IQSEC1: variants seen among roughly 807,000 people sequenced by gnomAD.
The protein encoded by IQSEC1 is IQ motif and Sec7 domain ArfGEF 1.
Under a neutral mutation model 91.0 loss-of-function variants are expected in IQSEC1, and 31 were observed. That is an observed-to-expected ratio of 0.34 (90% CI 0.26 to 0.46). IQSEC1 has a LOEUF of 0.46. IQSEC1 is among the 20% of genes least tolerant of loss of function. The pLI, the probability that IQSEC1 is intolerant of heterozygous loss-of-function variation, is 1.00. For missense variants in IQSEC1, 1,388 were observed against 1,575.6 expected (o/e 0.88, Z 2.02); for synonymous variants, 699 against 662.6 (o/e 1.05, Z -0.84).
chr3:13,014,806 AG>A (rs1703043347), intron 1 of IQSEC1, among the ~76,000 whole-genome samples: 2 of 152,178 alleles, frequency 1.3e-5, no homozygotes, highest in Non-Finnish European at 2.9e-5. Context: ...ACACGCTCCC[AG>A]CCCCAGGGAT....
intron 1 of IQSEC1, among the ~76,000 whole-genome samples, chr3:13,236,909 A>C (rs1694939659): frequency 6.7e-6 from 1 of 149,790 alleles, no homozygotes; most frequent in South Asian, 2.1e-4. Flanking sequence ...GCCCCCCTCC[A>C]GCCAGGTTTT....
intron 1 of IQSEC1, among the ~76,000 whole-genome samples, chr3:12,961,661 G>C (rs775551659): frequency 4.6e-5 from 7 of 152,236 alleles, no homozygotes; most frequent in Middle Eastern, 3.4e-3. Context: ...CTCCCATCTA[G>C]GAACACATCT....
At chr3:13,270,013 T>C (rs1473380959) in intron 1 of IQSEC1, among the ~76,000 whole-genome samples, 1 of 152,148 alleles carries the variant, frequency 6.6e-6, no homozygotes, top group Non-Finnish European at 1.5e-5. Context: ...GCCACCAGAT[T>C]GGAGAAGCCA....
intron 1 of IQSEC1, among the ~76,000 whole-genome samples, chr3:13,050,066 C>G (rs1007642670): frequency 7.4e-6 from 1 of 136,014 alleles, no homozygotes; most frequent in Non-Finnish European, 1.6e-5. Context: ...CCCCACCCCC[C>G]GCCCCAGAAA....
intron 1 of IQSEC1, among the ~76,000 whole-genome samples, chr3:13,215,772 C>T (rs946137897): frequency 4.6e-5 from 7 of 152,228 alleles, no homozygotes; most frequent in African/African-American, 1.7e-4. Flanking sequence ...AGAGCCCCTC[C>T]ACAGTGGCTG....
intron 1 of IQSEC1, among the ~76,000 whole-genome samples, chr3:13,205,675 C>T (rs568373789): frequency 1.3e-5 from 2 of 151,402 alleles, no homozygotes; most frequent in Non-Finnish European, 3.0e-5. Flanking sequence ...CTCATCCATC[C>T]ATCCAAACAT....
At chr3:13,257,936 G>A (rs1307794218) in intron 1 of IQSEC1, among the ~76,000 whole-genome samples, 1 of 152,242 alleles carries the variant, frequency 6.6e-6, no homozygotes, top group Non-Finnish European at 1.5e-5. Flanking sequence ...TCCCTCAGCA[G>A]GTGAATGGAT....
intron 2 of IQSEC1, among the ~76,000 whole-genome samples, chr3:13,100,725 C>T (rs1442947009): frequency 1.3e-5 from 2 of 149,012 alleles, no homozygotes; most frequent in African/African-American, 5.0e-5. Flanking sequence ...CCTCACATTT[C>T]GTTCATCGAT....
intron 1 of IQSEC1, among the ~76,000 whole-genome samples, chr3:13,171,825 T>G (rs9874757): frequency 0.1 from 15,303 of 152,150 alleles, 1,237 homozygotes; most frequent in African/African-American, 0.22. Context: ...GCAGAGAGCT[T>G]CCTGCCCAGG....
At chr3:13,116,038 G>A (rs769988534) in intron 2 of IQSEC1, among the ~76,000 whole-genome samples, 6 of 152,168 alleles carry the variant, frequency 3.9e-5, no homozygotes, top group Non-Finnish European at 8.8e-5. Flanking sequence ...AGGAAAGAAG[G>A]GTCCCTTAGG....
upstream of IQSEC1, among the ~76,000 whole-genome samples, chr3:13,073,833 C>T (rs189597577): frequency 7.2e-5 from 11 of 152,350 alleles, no homozygotes; most frequent in East Asian, 1.4e-3. Flanking sequence ...CGCGTCTCTC[C>T]TGGGAGTCTT....
At chr3:12,948,053 T>A (rs1699299966) in intron 1 of IQSEC1, among the ~76,000 whole-genome samples, 1 of 152,254 alleles carries the variant, frequency 6.6e-6, no homozygotes, top group African/African-American at 2.4e-5. Flanking sequence ...GGTGGAATTC[T>A]AGCTCTACTG....
upstream of IQSEC1, among the ~76,000 whole-genome samples, chr3:13,075,803 C>T (rs946229995): frequency 1.3e-5 from 2 of 152,186 alleles, no homozygotes; most frequent in Non-Finnish European, 2.9e-5. Context: ...GGACCAGGCA[C>T]AGAGGAGGCT....
intron 8 of IQSEC1, 70 bp downstream of exon 8, chr3:12,915,034 G>GGGA (rs1695941840): frequency 6.7e-7 from 1 of 1,491,946 alleles, no homozygotes; most frequent in Admixed American, 1.9e-5. Context: ...GGGAGCCGGC[G>GGGA]GACTGGCTGA....
intron 2 of IQSEC1, among the ~76,000 whole-genome samples, chr3:13,142,950 G>T (rs957467331): frequency 6.6e-6 from 1 of 152,176 alleles, no homozygotes; most frequent in Non-Finnish European, 1.5e-5. Context: ...GTTCCCCTGT[G>T]TGCCACATGG....
Position 13,073,204 on chromosome 3 carries a change from A to C in IQSEC1, c.-190T>G. On this transcript the variant is annotated 5_prime_UTR_variant, in exon 1 of 14. Coordinates refer to ENST00000613206, the MANE Select transcript of IQSEC1 (RefSeq NM_001134382.3). ...GGCGGGAGCGGGGGGCGGCGCCAGC[A>C]GCGGGCTGTGGAGGGCCCTGGCACG... 1.5e-6 allele frequency: 1 copy of C among 684,402 alleles called. No individual in the cohort carries two copies. The highest frequency in any genetic ancestry group is 2.5e-6 in the Non-Finnish European group (1 of 394,818). 42.4% of individuals were successfully genotyped at this position (684,402 alleles called of 1,614,324 possible).
At chr3:13,163,724 T>A (rs1446158923) in intron 2 of IQSEC1, among the ~76,000 whole-genome samples, 1 of 152,130 alleles carries the variant, frequency 6.6e-6, no homozygotes, top group East Asian at 1.9e-4. Flanking sequence ...ATCTTAGACT[T>A]GCCCTGACCC....
At chr3:13,078,101 G>A (rs1341154763), upstream of IQSEC1, among the ~76,000 whole-genome samples, 1 of 152,216 alleles carries the variant, frequency 6.6e-6, no homozygotes, top group African/African-American at 2.4e-5. Flanking sequence ...GCTGCACGGG[G>A]CCACGCTGGC....
chr3:12,948,723 T>C (rs114111262), intron 1 of IQSEC1, among the ~76,000 whole-genome samples: 4,391 of 152,190 alleles, frequency 0.029, 227 homozygotes, highest in African/African-American at 0.1. Context: ...ACGACAATGG[T>C]AGTAACAGCG....
Sources: allele counts gnomAD v4.1 joint callset (sites outside exome capture counted in the v4.1 genomes callset), GRCh38; gene constraint gnomAD v4.1.1; transcripts MANE v1.5; gene names NCBI Gene and HGNC (gene_info 2026-07-23, HGNC 2026-07-21).